The following FGF12 variants were observed in gnomAD, a reference collection of about 807,000 sequenced individuals.
FGF12 encodes the protein fibroblast growth factor 12B.
FGF12 carries 14 observed loss-of-function variants against 23.6 expected under a neutral mutation model. The observed-to-expected ratio is 0.59, with a 90% CI of 0.39 to 0.93. The LOEUF is 0.93. FGF12 is among the 40% of genes least tolerant of loss of function. The pLI is 0.00. For synonymous variants in FGF12, 62 were observed against 77.3 expected (o/e 0.80, Z 1.04); for missense variants, 175 against 217.8 (o/e 0.80, Z 1.24).
At chr3:192,303,883 T>C (rs915523499) in intron 4 of FGF12, among the ~76,000 whole-genome samples, 1 of 152,198 alleles carries the variant, frequency 6.6e-6, no homozygotes, top group Admixed American at 6.5e-5. Context: ...AAGCTTCATG[T>C]AAATAAATAC....
chr3:192,285,595 C>A (rs1448857498), intron 4 of FGF12, among the ~76,000 whole-genome samples: 3 of 151,826 alleles, frequency 2.0e-5, no homozygotes, highest in Non-Finnish European at 2.9e-5. Flanking sequence ...ACTTGAAATT[C>A]TTTTAAATTC....
chr3:192,403,281 C>G (rs1370852937), intron 2 of FGF12, among the ~76,000 whole-genome samples: 1 of 152,150 alleles, frequency 6.6e-6, no homozygotes, highest in Non-Finnish European at 1.5e-5. Flanking sequence ...GCCTCACTTC[C>G]TATAAATTGT....
At chr3:192,603,646 G>A (rs1209497432) in intron 2 of FGF12, among the ~76,000 whole-genome samples, 3 of 152,068 alleles carry the variant, frequency 2.0e-5, no homozygotes, top group African/African-American at 4.8e-5. Context: ...AAACCAGCAG[G>A]TTTTTATTAA....
At chr3:192,493,741 TA>T (rs1723868608) in intron 2 of FGF12, among the ~76,000 whole-genome samples, 1 of 152,074 alleles carries the variant, frequency 6.6e-6, no homozygotes, top group South Asian at 2.1e-4. Flanking sequence ...CACACACTTT[TA>T]AATAACCAGA....
At chr3:192,203,045 T>G (rs184047938) in intron 4 of FGF12, among the ~76,000 whole-genome samples, 2 of 152,256 alleles carry the variant, frequency 1.3e-5, no homozygotes, top group Admixed American at 6.5e-5. Flanking sequence ...TTTCAAAAAC[T>G]TCAGTCTATA....
intron 4 of FGF12, among the ~76,000 whole-genome samples, chr3:192,301,020 G>A (rs1346557045): frequency 6.6e-5 from 10 of 152,098 alleles, no homozygotes; most frequent in African/African-American, 2.4e-4. Context: ...GAAAATTCCC[G>A]AAAGATTGTC....
intron 2 of FGF12, among the ~76,000 whole-genome samples, chr3:192,450,646 G>C (rs1722496473): frequency 6.6e-6 from 1 of 152,166 alleles, no homozygotes; most frequent in South Asian, 2.1e-4. Flanking sequence ...CATTCACTTA[G>C]TATAGAAAGA....
intron 2 of FGF12, among the ~76,000 whole-genome samples, chr3:192,508,981 C>T (rs1291260354): frequency 6.6e-6 from 1 of 152,124 alleles, no homozygotes; most frequent in African/African-American, 2.4e-5. Flanking sequence ...CCTTGTATGA[C>T]ACCTTTTGCT....
intron 2 of FGF12, among the ~76,000 whole-genome samples, chr3:192,641,947 C>T (rs1385265912): frequency 6.6e-6 from 1 of 152,168 alleles, no homozygotes; most frequent in Non-Finnish European, 1.5e-5. Flanking sequence ...CATTTGCTCA[C>T]CCCTTCTCTA....
intron 2 of FGF12, among the ~76,000 whole-genome samples, chr3:192,466,534 G>A (rs1460202469): frequency 1.3e-5 from 2 of 152,154 alleles, no homozygotes; most frequent in African/African-American, 4.8e-5. Flanking sequence ...GAAGACGAAA[G>A]GGGTTCCTGA....
At chr3:192,290,564 A>C (rs1285846163) in intron 4 of FGF12, among the ~76,000 whole-genome samples, 2 of 152,172 alleles carry the variant, frequency 1.3e-5, no homozygotes, top group African/African-American at 4.8e-5. Context: ...GCCATTTATT[A>C]GTCATACATG....
intron 2 of FGF12, among the ~76,000 whole-genome samples, chr3:192,635,649 T>C (rs914888402): frequency 2.0e-5 from 3 of 152,226 alleles, no homozygotes; most frequent in African/African-American, 7.2e-5. Flanking sequence ...AATCAGTTAT[T>C]TGATATCACT....
intron 2 of FGF12, among the ~76,000 whole-genome samples, chr3:192,692,315 T>C (rs1717968140): frequency 6.6e-6 from 1 of 152,158 alleles, no homozygotes; most frequent in African/African-American, 2.4e-5. Context: ...AGTTATACAT[T>C]GTGACTATGT....
At chr3:192,349,922 G>C (rs1718138845) in intron 3 of FGF12, among the ~76,000 whole-genome samples, 1 of 152,076 alleles carries the variant, frequency 6.6e-6, no homozygotes, top group Non-Finnish European at 1.5e-5. Flanking sequence ...ATATGTGCCA[G>C]GTATTCTTTT....
chr3:192,561,288 C>A (rs962150203), intron 2 of FGF12, among the ~76,000 whole-genome samples: 1 of 151,622 alleles, frequency 6.6e-6, no homozygotes, highest in African/African-American at 2.4e-5. Context: ...TACAAATGAC[C>A]AATAAGTACA....
At chr3:192,560,116 C>T (rs1711950972) in intron 2 of FGF12, among the ~76,000 whole-genome samples, 1 of 151,842 alleles carries the variant, frequency 6.6e-6, no homozygotes, top group South Asian at 2.1e-4. Context: ...AACGAAACAG[C>T]ACATTTGTAA....
chr3:192,587,849 C>T (rs1248045784), intron 2 of FGF12, among the ~76,000 whole-genome samples: 2 of 151,786 alleles, frequency 1.3e-5, no homozygotes, highest in Non-Finnish European at 2.9e-5. Context: ...TCTCTCAAAT[C>T]TGAAAATGTG....
At position 192,254,862 on chromosome 3, in the gene FGF12, T is replaced by C. The variant is rs139414128; in HGVS notation, c.228+80499A>G. 1.2e-4 allele frequency among the ~76,000 whole-genome samples: 19 copies of C among 152,200 alleles called. 2 individuals are homozygous for C. In the East Asian group the frequency reaches 3.7e-3, roughly 29 times the overall value. On this transcript the variant is annotated intron_variant, in intron 4 of 5. Transcript: ENST00000445105. ...AGATCCTTCCTTAATATTTATTTTATAATGAACACATATAAAACTCCTTCA... is the reference window on the plus strand; with the variant it reads ...AGATCCTTCCTTAATATTTATTTTACAATGAACACATATAAAACTCCTTCA...
chr3:192,456,674 T>G (rs2108804669), intron 2 of FGF12, among the ~76,000 whole-genome samples: 1 of 152,186 alleles, frequency 6.6e-6, no homozygotes, highest in Admixed American at 6.5e-5. Context: ...CCTAGAACAT[T>G]TTATGTATGA....
Sources: allele counts gnomAD v4.1 joint callset (sites outside exome capture counted in the v4.1 genomes callset), GRCh38; gene constraint gnomAD v4.1.1; transcripts MANE v1.5; gene names NCBI Gene and HGNC (gene_info 2026-07-23, HGNC 2026-07-21).